Variants in MLLT3 observed in about 807,000 individuals in gnomAD.
MLLT3 encodes MLLT3 super elongation complex subunit, also known as protein AF-9.
Under a neutral mutation model 53.2 loss-of-function variants are expected in MLLT3, and 4 were observed. That is an observed-to-expected ratio of 0.08 (90% CI 0.04 to 0.17). The LOEUF is 0.17. MLLT3 is among the 10% of genes least tolerant of loss of function. The pLI is 1.00. For missense variants in MLLT3, 569 were observed against 684.0 expected (o/e 0.83, Z 1.87); for synonymous variants, 283 against 230.6 (o/e 1.23, Z -2.06).
At chr9:20,488,211 G>C (rs1300930753) in intron 2 of MLLT3, among the ~76,000 whole-genome samples, 1 of 151,944 alleles carries the variant, frequency 6.6e-6, no homozygotes, top group Non-Finnish European at 1.5e-5. Context: ...AAGGAGGGGG[G>C]AATAGGGAAT....
At chr9:20,549,367 C>A (rs1422434557) in intron 2 of MLLT3, among the ~76,000 whole-genome samples, 1 of 152,138 alleles carries the variant, frequency 6.6e-6, no homozygotes, top group Non-Finnish European at 1.5e-5. Flanking sequence ...CTGTTACCAA[C>A]CCAGCATGGT....
intron 2 of MLLT3, among the ~76,000 whole-genome samples, chr9:20,476,976 T>C (rs1203842586): frequency 6.6e-6 from 1 of 152,146 alleles, no homozygotes; most frequent in East Asian, 1.9e-4. Context: ...GGTCTTTTGT[T>C]TTTTCCACCA....
chr9:20,375,431 TTTGTCCCCAAGG>T (rs1206452174), intron 5 of MLLT3, among the ~76,000 whole-genome samples: 1 of 152,156 alleles, frequency 6.6e-6, no homozygotes, highest in Admixed American at 6.5e-5. Context: ...AGGAATATCC[TTTGTCCCCAAGG>T]TACATCTTCT....
At position 20,448,679 on chromosome 9, in the gene MLLT3, C is replaced by A. The variant is rs1823766864; in HGVS notation, c.277-413G>T. ...CTTACTACTAGGCTTTTACTCATGG[C>A]CCAAACTATAAACTCTCTACTTTGG... On this transcript the variant is annotated intron_variant, in intron 3 of 10. Coordinates refer to ENST00000380338, the MANE Select transcript of MLLT3 (RefSeq NM_004529.4). The surrounding 1 kb of genome is among the most constrained non-coding windows in gnomAD (Gnocchi z 4.0). 6.6e-6 allele frequency among the ~76,000 whole-genome samples: 1 copy of A among 152,132 alleles called. No individual in the cohort carries two copies. Among genetic ancestry groups the A allele is most frequent in the Non-Finnish European group, 1.5e-5 (1 of 68,016 alleles).
At chr9:20,371,798 T>A (rs1821610027) in intron 5 of MLLT3, among the ~76,000 whole-genome samples, 1 of 152,244 alleles carries the variant, frequency 6.6e-6, no homozygotes, top group African/African-American at 2.4e-5. Flanking sequence ...CAAGTTTTAT[T>A]ATTTAAGAAA....
chr9:20,620,905 T>G lies in MLLT3; in HGVS notation c.13-71A>C, dbSNP rs1820985432. 2 of 1,535,702 alleles carry G rather than the reference T, an allele frequency of 1.3e-6. No homozygotes were observed. Among genetic ancestry groups the G allele is most frequent in the Non-Finnish European group, 1.8e-6 (2 of 1,114,674 alleles). ...AGGTTTCGGCAGTGAACGTTGCGCC[T>G]GACATTTTTTTCCTCCTTCTTGAAA... On this transcript the variant is annotated intron_variant, in intron 1 of 10. Transcript: ENST00000380338. The surrounding 1 kb of genome is among the most constrained non-coding windows in gnomAD (Gnocchi z 6.1).
intron 2 of MLLT3, among the ~76,000 whole-genome samples, chr9:20,598,011 A>C (rs1049081956): frequency 6.6e-6 from 1 of 152,206 alleles, no homozygotes; most frequent in African/African-American, 2.4e-5. Flanking sequence ...TATTTGTTGG[A>C]AGAAAGACAG....
chr9:20,496,540 G>A (rs904289138), intron 2 of MLLT3, among the ~76,000 whole-genome samples: 1 of 152,016 alleles, frequency 6.6e-6, no homozygotes, highest in Non-Finnish European at 1.5e-5. Context: ...AACACGCACT[G>A]TAAAAACACA....
chr9:20,430,401 G>A (rs953440579), intron 4 of MLLT3, among the ~76,000 whole-genome samples: 1 of 152,042 alleles, frequency 6.6e-6, no homozygotes, highest in African/African-American at 2.4e-5. Context: ...TTACAACATT[G>A]TAGTATTGCT....
intron 2 of MLLT3, among the ~76,000 whole-genome samples, chr9:20,553,666 T>C (rs1413844598): frequency 6.6e-6 from 1 of 152,186 alleles, no homozygotes; most frequent in Non-Finnish European, 1.5e-5. Context: ...ATTCTACTAT[T>C]CACTGGACTT....
chr9:20,549,784 T>C (rs1230459221), intron 2 of MLLT3, among the ~76,000 whole-genome samples: 1 of 152,164 alleles, frequency 6.6e-6, no homozygotes, highest in African/African-American at 2.4e-5. Flanking sequence ...TACAAATACA[T>C]GAAAACTTCT....
intron 4 of MLLT3, among the ~76,000 whole-genome samples, chr9:20,415,786 T>C (rs575735729): frequency 1.3e-5 from 2 of 152,126 alleles, no homozygotes; most frequent in African/African-American, 4.8e-5. Flanking sequence ...ACAAAAAATA[T>C]ATATATAGGT....
intron 2 of MLLT3, among the ~76,000 whole-genome samples, chr9:20,516,418 A>G (rs1426842485): frequency 6.6e-6 from 1 of 152,086 alleles, no homozygotes; most frequent in Non-Finnish European, 1.5e-5. Context: ...CAGTCTTACT[A>G]CTCTCATTTC....
At position 20,589,318 on chromosome 9, in the gene MLLT3, G is replaced by C. The variant is rs373374387; in HGVS notation, c.193+31336C>G. Among the ~76,000 whole-genome samples, 9 of 151,220 alleles carry C rather than the reference G, an allele frequency of 6.0e-5. No homozygotes were observed. In the East Asian group the frequency reaches 1.4e-3, roughly 23 times the overall value. ...AGGAAATTGGAAACCATCATTCTCAGTAAACTATCGCAAGAACAAAAAACC... is the reference window on the plus strand; with the variant it reads ...AGGAAATTGGAAACCATCATTCTCACTAAACTATCGCAAGAACAAAAAACC... On this transcript the variant is annotated intron_variant, in intron 2 of 10. Coordinates refer to ENST00000380338, the MANE Select transcript of MLLT3 (RefSeq NM_004529.4).
intron 4 of MLLT3, chr9:20,415,404 T>A: frequency 1.1e-6 from 1 of 890,770 alleles, no homozygotes; most frequent in Non-Finnish European, 1.3e-6. Flanking sequence ...ATAATCTTTC[T>A]GTTTAGGAAC....
chr9:20,435,948 C>A (rs1394683474), intron 4 of MLLT3, among the ~76,000 whole-genome samples: 2 of 151,982 alleles, frequency 1.3e-5, no homozygotes, highest in Non-Finnish European at 2.9e-5. Flanking sequence ...ATAAAGAGGC[C>A]AAAGTAGCTC....
At chr9:20,465,739 G>A (rs2118878383) in intron 2 of MLLT3, among the ~76,000 whole-genome samples, 1 of 152,232 alleles carries the variant, frequency 6.6e-6, no homozygotes, top group Admixed American at 6.5e-5. Flanking sequence ...TCAGCATCTT[G>A]TGAGCTCTAC....
At chr9:20,615,733 T>A (rs1301454327) in intron 2 of MLLT3, among the ~76,000 whole-genome samples, 1 of 151,884 alleles carries the variant, frequency 6.6e-6, no homozygotes, top group African/African-American at 2.4e-5. Flanking sequence ...ATCTATTAAG[T>A]TATGTGCCTT....
At chr9:20,443,763 G>C (rs1221373190) in intron 4 of MLLT3, among the ~76,000 whole-genome samples, 1 of 152,124 alleles carries the variant, frequency 6.6e-6, no homozygotes, top group Non-Finnish European at 1.5e-5. Flanking sequence ...AAAGAACTAA[G>C]GTACTGGGTA....
Sources: allele counts gnomAD v4.1 joint callset (sites outside exome capture counted in the v4.1 genomes callset), GRCh38; gene constraint gnomAD v4.1.1; non-coding constraint Gnocchi (gnomAD v3.1); transcripts MANE v1.5; gene names NCBI Gene and HGNC (gene_info 2026-07-23, HGNC 2026-07-21).